ZNF326: variants seen among roughly 807,000 people sequenced by gnomAD.
ZNF326 encodes DBIRD complex subunit ZNF326.
A neutral mutation model predicts 63.1 loss-of-function variants in ZNF326; 30 were observed. That is an observed-to-expected ratio of 0.48 (90% CI 0.36 to 0.64). The LOEUF is 0.64. Ranked by LOEUF, ZNF326 falls within the 30% of genes least tolerant of loss-of-function variation. ZNF326 has a pLI of 0.00. For missense variants in ZNF326, 609 were observed against 720.3 expected (o/e 0.85, Z 1.77); for synonymous variants, 194 against 228.2 (o/e 0.85, Z 1.35).
At chr1:89,998,044 C>T (rs538679026) in intron 1 of ZNF326, 66 bp from the exon 2 acceptor site, 116 of 1,415,488 alleles carry the variant, frequency 8.2e-5, no homozygotes, top group South Asian at 2.2e-4. Flanking sequence ...TTTACTGGAT[C>T]GGCATATAAT....
At chr1:89,995,420 G>A (rs1382633196) in intron 1 of ZNF326, 147 bp downstream of exon 1, 5 of 1,154,262 alleles carry the variant, frequency 4.3e-6, no homozygotes, top group Non-Finnish European at 5.7e-6. Context: ...AGCGCCCGGA[G>A]TCGGCCTCTT....
chr1:89,999,507 C>G (rs908234886), intron 2 of ZNF326, among the ~76,000 whole-genome samples: 2 of 152,102 alleles, frequency 1.3e-5, no homozygotes, highest in Non-Finnish European at 2.9e-5. Context: ...GCAAAAAGAT[C>G]TAATATGACT....
chr1:90,007,268 C>A lies in ZNF326; in HGVS notation c.210-77C>A. 7.2e-7 allele frequency: 1 copy of A among 1,392,384 alleles called. No individual in the cohort carries two copies. The highest frequency in any genetic ancestry group is 9.8e-7 in the Non-Finnish European group (1 of 1,024,840). The allele number at this position is 1,392,384 out of a possible 1,614,324, so 86.3% of individuals were successfully genotyped here. On this transcript the variant is annotated intron_variant, in intron 4 of 11. Coordinates refer to ENST00000340281, the MANE Select transcript of ZNF326 (RefSeq NM_182976.4). This position sits in a 1 kb window ranked among gnomAD's most constrained non-coding sequence, Gnocchi z 4.9. ...ATGAATTTTAGTTGATAAATGTCATCTGATAATTTGTCTTTTGAATTGTCT... is the reference window on the plus strand; with the variant it reads ...ATGAATTTTAGTTGATAAATGTCATATGATAATTTGTCTTTTGAATTGTCT...
In ZNF326 at chr1:90,013,195, G is replaced by T. The variant is rs181139290; in HGVS notation, c.884G>T (p.Arg295Leu). ...GAGGCTCGGCGAGAGAAACAAAGGC[G>T]CAGAAGAGAAAAAAACAGTGAGAAA... ...RIEARREKQR[R>L]RREKNSEKYG... The change falls in exon 7 of 12, where the codon CGC becomes CTC. Residue 295 changes from arginine to leucine, a missense_variant. Physicochemically the swap from Arg to Leu is moderately radical, Grantham distance 102 (BLOSUM62 -2). Coordinates refer to ENST00000340281, the MANE Select transcript of ZNF326 (RefSeq NM_182976.4). The T allele has an allele frequency of 6.2e-7, 1 of 1,609,770 alleles. No individual in the cohort carries two copies. The highest frequency in any genetic ancestry group is 2.2e-5 in the East Asian group (1 of 44,712).
intron 6 of ZNF326, 32 bp downstream of exon 6, chr1:90,010,318 G>T: frequency 6.3e-7 from 1 of 1,586,880 alleles, no homozygotes; most frequent in South Asian, 1.2e-5. Context: ...CTATGATTCA[G>T]GATACTTTTT....
intron 10 of ZNF326, 21 bp from the exon 11 acceptor site, chr1:90,022,229 A>G: frequency 6.6e-7 from 1 of 1,518,910 alleles, no homozygotes; most frequent in Non-Finnish European, 9.1e-7. Flanking sequence ...AAGAACCCTC[A>G]GTGTGTTCTG....
At chr1:90,019,886 G>T (rs939044979) in intron 9 of ZNF326, among the ~76,000 whole-genome samples, 1 of 151,984 alleles carries the variant, frequency 6.6e-6, no homozygotes, top group Non-Finnish European at 1.5e-5. Context: ...TTTCCTTCAC[G>T]TATCTTGAGA....
chr1:90,020,802 AGAT>A lies in ZNF326; in HGVS notation c.1189_1191del (p.Asp397del). 1 of 1,610,746 alleles carries A rather than the reference AGAT, an allele frequency of 6.2e-7. No individual in the cohort carries two copies. The highest frequency in any genetic ancestry group is 8.5e-7 in the Non-Finnish European group (1 of 1,178,480). On this transcript the variant is annotated inframe_deletion, in exon 10 of 12. Coordinates refer to ENST00000340281, the MANE Select transcript of ZNF326 (RefSeq NM_182976.4). ...GGATGTCTTTTGTAGGTGTTACTGT[AGAT>A]GATCACATGATGAAGGTAGAGACAG...
intron 1 of ZNF326, 57 bp downstream of exon 1, chr1:89,995,330 A>G: frequency 1.3e-6 from 2 of 1,522,616 alleles, no homozygotes; most frequent in Non-Finnish European, 1.8e-6. Flanking sequence ...TGGCCTACGC[A>G]GGGGGTCTGT....
chr1:89,995,406 GC>G, intron 1 of ZNF326, 133 bp downstream of exon 1: 1 of 1,239,226 alleles, frequency 8.1e-7, no homozygotes, highest in Non-Finnish European at 1.1e-6. Context: ...CCCGCCCCGG[GC>G]CCAGCGCCCG....
In ZNF326 at chr1:90,020,781, G is replaced by A. The variant is rs1649729651; in HGVS notation, c.1175-11G>A. ...TGAATTATTTCTTTAATAATTGGAT[G>A]TCTTTTGTAGGTGTTACTGTAGATG... On this transcript the variant is annotated splice_polypyrimidine_tract_variant and intron_variant, in intron 9 of 11. Transcript: ENST00000340281. 5.0e-6 allele frequency: 8 copies of A among 1,591,834 alleles called. No homozygotes were observed. The highest frequency in any genetic ancestry group is 2.3e-5 in the South Asian group (2 of 86,738).
rs1343269018 is a variant in ZNF326 at position 90,031,586 on chromosome 1, T to G, written c.*3885T>G. ...TTTTTTTTTTTTTTGAGACATAGCC[T>G]CACTCTGTCACCCAGGCTGGAGTTC... On this transcript the variant is annotated 3_prime_UTR_variant, in exon 12 of 12. Coordinates refer to ENST00000340281, the MANE Select transcript of ZNF326 (RefSeq NM_182976.4). 2.7e-5 allele frequency: 4 copies of G among 149,976 alleles called. No individual in the cohort carries two copies. The highest frequency in any genetic ancestry group is 9.8e-5 in the African/African-American group (4 of 40,764). The allele number at this position is 149,976 out of a possible 1,614,324, so 9.3% of individuals were successfully genotyped here.
chr1:90,018,628 C>T, intron 8 of ZNF326, 57 bp from the exon 9 acceptor site: 2 of 935,910 alleles, frequency 2.1e-6, no homozygotes, highest in Non-Finnish European at 3.3e-6. Context: ...TAGTGCTAAG[C>T]ATTATACTTG....
chr1:90,025,145 CCTCT>C (rs770049650), intron 11 of ZNF326, among the ~76,000 whole-genome samples: 5 of 152,244 alleles, frequency 3.3e-5, no homozygotes, highest in Non-Finnish European at 7.4e-5. Flanking sequence ...CTCTTTGCTT[CCTCT>C]CTATTATTCA....
intron 2 of ZNF326, among the ~76,000 whole-genome samples, chr1:90,004,187 G>GTT (rs1013299456): frequency 2.1e-5 from 3 of 143,986 alleles, no homozygotes; most frequent in Non-Finnish European, 1.5e-5. Flanking sequence ...TATTGTATTA[G>GTT]TTTTTTTTTT....
At chr1:90,005,097 G>A in intron 3 of ZNF326, 36 bp from the exon 4 acceptor site, 1 of 1,613,900 alleles carries the variant, frequency 6.2e-7, no homozygotes, top group Non-Finnish European at 8.5e-7. Flanking sequence ...GTAAAGGTGA[G>A]CATCATATAA....
rs188251152 is a variant in ZNF326 at position 90,028,733 on chromosome 1, T to G, written c.*1032T>G. The G allele has an allele frequency of 6.6e-5, 10 of 152,264 alleles. No individual in the cohort carries two copies. The highest frequency in any genetic ancestry group is 5.9e-4 in the Admixed American group (9 of 15,290). 9.4% of individuals were successfully genotyped at this position (152,264 alleles called of 1,614,324 possible). ...AGGATCTATTCTTAAATAATTTATT[T>G]TCAAACAACCGTCTATGTCACTAAA... On this transcript the variant is annotated 3_prime_UTR_variant, in exon 12 of 12. Coordinates refer to ENST00000340281, the MANE Select transcript of ZNF326 (RefSeq NM_182976.4).
chr1:89,995,532 C>T (rs1648314456), intron 1 of ZNF326, among the ~76,000 whole-genome samples: 1 of 152,270 alleles, frequency 6.6e-6, no homozygotes, highest in African/African-American at 2.4e-5. Context: ...CGAGAGCCTC[C>T]GGGCTGGAGC....
rs1487826931 is a variant in ZNF326 at position 90,020,846 on chromosome 1, G to C, written c.1229G>C (p.Cys410Ser). 6.2e-7 allele frequency: 1 copy of C among 1,613,120 alleles called. No individual in the cohort carries two copies. The highest frequency in any genetic ancestry group is 8.5e-7 in the Non-Finnish European group (1 of 1,179,414). ...MKVETVHCSA[C>S]SVYIPALHSS... Reference sequence around the variant, plus strand: ...GTAGAGACAGTTCATTGCAGCGCTTGCAGTGTTTATATCCCTGCTTTACAT... The same window carrying C: ...GTAGAGACAGTTCATTGCAGCGCTTCCAGTGTTTATATCCCTGCTTTACAT... The change falls in exon 10 of 12, where the codon TGC becomes TCC. Residue 410 changes from cysteine to serine, a missense_variant. Transcript: ENST00000340281.
Sources: gnomAD v4.1 joint callset for allele counts (sites outside exome capture counted in the v4.1 genomes callset) on GRCh38, gnomAD v4.1.1 for gene constraint, Gnocchi (gnomAD v3.1) non-coding constraint, MANE v1.5 for transcripts, NCBI Gene and HGNC (gene_info 2026-07-23, HGNC 2026-07-21) for gene names.